CDH17: variants seen among roughly 807,000 people sequenced by gnomAD.
CDH17 encodes the protein cadherin-17.
CDH17 carries 67 observed loss-of-function variants against 86.3 expected under a neutral mutation model. That is an observed-to-expected ratio of 0.78 (90% CI 0.64 to 0.95). The LOEUF (loss-of-function observed/expected upper bound fraction) is 0.95, where lower values mean the gene tolerates loss of function less well. Among genes scored for constraint, CDH17 ranks in the 40% least tolerant of loss-of-function variants. The pLI is 0.00. For missense variants in CDH17, 993 were observed against 1,017.6 expected (o/e 0.98, Z 0.33); for synonymous variants, 367 against 366.4 (o/e 1.00, Z -0.02).
intron 15 of CDH17, among the ~76,000 whole-genome samples, chr8:94,131,746 G>C (rs957319182): frequency 6.6e-6 from 1 of 151,930 alleles, no homozygotes; most frequent in Admixed American, 6.6e-5. Context: ...TGATACGTAG[G>C]TATACATGTG....
intron 15 of CDH17, among the ~76,000 whole-genome samples, chr8:94,137,557 T>C (rs1464928692): frequency 6.6e-6 from 1 of 152,158 alleles, no homozygotes. Context: ...TGGCTTCCCT[T>C]GACTAGGAAA....
intron 7 of CDH17, 69 bp downstream of exon 7, chr8:94,173,728 G>T: frequency 1.8e-6 from 2 of 1,117,298 alleles, no homozygotes; most frequent in Non-Finnish European, 2.7e-6. Flanking sequence ...AAGACTGTGA[G>T]GGTGGGTCTC....
intron 1 of CDH17, among the ~76,000 whole-genome samples, chr8:94,205,942 GATGTTAAGGGAACAA>G (rs1814017985): frequency 6.6e-6 from 1 of 152,152 alleles, no homozygotes; most frequent in African/African-American, 2.4e-5. Flanking sequence ...CTTTAGCTTA[GATGTTAAGGGAACAA>G]ATCTACCATT....
At chr8:94,210,226 T>TAAAAAAAAAAAAAAAA, upstream of CDH17, among the ~76,000 whole-genome samples, 1 of 53,458 alleles carries the variant, frequency 1.9e-5, no homozygotes, top group African/African-American at 7.0e-5. Context: ...TTTATGCGAG[T>TAAAAAAAAAAAAAAAA]AAAAAAAAAA....
intron 3 of CDH17, among the ~76,000 whole-genome samples, chr8:94,184,337 GAC>G (rs1319419178): frequency 6.6e-6 from 1 of 152,072 alleles, no homozygotes; most frequent in Non-Finnish European, 1.5e-5. Flanking sequence ...TCCATCAATT[GAC>G]ACATGGATAT....
intron 1 of CDH17, chr8:94,197,294 G>A (rs1813803119): frequency 6.6e-6 from 1 of 152,204 alleles, no homozygotes; most frequent in Non-Finnish European, 1.5e-5. Context: ...AGCCATGATT[G>A]CGCCACTGCA....
At chr8:94,151,031 C>A (rs1166209357) in intron 13 of CDH17, among the ~76,000 whole-genome samples, 1 of 152,204 alleles carries the variant, frequency 6.6e-6, no homozygotes, top group Non-Finnish European at 1.5e-5. Flanking sequence ...GGAGGCAAGA[C>A]TCCCTCCAGA....
At chr8:94,193,228 A>G (rs1201560831) in intron 2 of CDH17, among the ~76,000 whole-genome samples, 1 of 152,244 alleles carries the variant, frequency 6.6e-6, no homozygotes, top group Non-Finnish European at 1.5e-5. Flanking sequence ...CTTCTCAGAC[A>G]AGAAGCAAAT....
chr8:94,155,251 C>T (rs1241402802), intron 12 of CDH17, among the ~76,000 whole-genome samples: 3 of 151,944 alleles, frequency 2.0e-5, no homozygotes, highest in Non-Finnish European at 4.4e-5. Context: ...AGGGCTTCTC[C>T]CCCTGAAGTA....
Position 94,178,710 on chromosome 8 carries a change from AGACT to A in CDH17, c.151-993_151-990del, listed in dbSNP as rs150104994. ...CAGAAGTAAATTTGAGAGTAAATCT[AGACT>A]GTTATGGTACCAAAAGAATTCATGT... On this transcript the variant is annotated intron_variant, in intron 3 of 17. Transcript: ENST00000027335. Among the ~76,000 whole-genome samples, 179 of 152,316 alleles carry A rather than the reference AGACT, an allele frequency of 1.2e-3. 4 individuals carry two copies. The East Asian group carries it at 0.033, about 28-fold the overall frequency.
chr8:94,156,555 A>G (rs1812952817), intron 12 of CDH17, among the ~76,000 whole-genome samples: 1 of 152,190 alleles, frequency 6.6e-6, no homozygotes. Flanking sequence ...AAGTAAATAC[A>G]GAGCAGGGAG....
In CDH17 at chr8:94,158,175, T is replaced by A. The variant is rs1006690529; in HGVS notation, c.1551+1796A>T. 1.3e-4 allele frequency among the ~76,000 whole-genome samples: 20 copies of A among 152,280 alleles called. No homozygotes were observed. The East Asian group carries it at 3.1e-3, about 24-fold the overall frequency. The stretch of plus-strand genomic sequence containing the variant: ...TTCATAATTGTATATGGGACAGAAT[T>A]CATTTATTCATTAAGTCAAGCAATA... On this transcript the variant is annotated intron_variant, in intron 12 of 17. Transcript: ENST00000027335.
At chr8:94,182,004 T>C (rs981906439) in intron 3 of CDH17, among the ~76,000 whole-genome samples, 3 of 152,102 alleles carry the variant, frequency 2.0e-5, no homozygotes, top group Non-Finnish European at 2.9e-5. Context: ...TTGTGAACAA[T>C]TGTTTTCCCA....
chr8:94,173,078 C>A (rs1813300497), intron 7 of CDH17, among the ~76,000 whole-genome samples: 1 of 152,186 alleles, frequency 6.6e-6, no homozygotes. Flanking sequence ...AAATGACCCA[C>A]TGCAGGGCTG....
At chr8:94,148,708 T>C in intron 14 of CDH17, 36 bp downstream of exon 14, 1 of 1,473,648 alleles carries the variant, frequency 6.8e-7, no homozygotes. Flanking sequence ...ATAATCTGTG[T>C]TCCTTTTTTT....
chr8:94,143,829 T>C (rs1432970102), intron 15 of CDH17, among the ~76,000 whole-genome samples: 10 of 152,200 alleles, frequency 6.6e-5, no homozygotes, highest in Non-Finnish European at 1.5e-4. Flanking sequence ...TAGATTTTGG[T>C]TTAAAGGACT....
At chr8:94,159,839 AATCCAGGAACCCATCACC>A (rs1813016086) in intron 12 of CDH17, 114 bp downstream of exon 12, 7 of 579,052 alleles carry the variant, frequency 1.2e-5, no homozygotes, top group Admixed American at 7.7e-5. Flanking sequence ...GGAATCCAGG[AATCCAGGAACCCATCACC>A]ATGCCTGAGA....
At chr8:94,183,268 A>G (rs780455867) in intron 3 of CDH17, among the ~76,000 whole-genome samples, 15 of 152,122 alleles carry the variant, frequency 9.9e-5, no homozygotes, top group Non-Finnish European at 1.6e-4. Flanking sequence ...TAAAATTCAT[A>G]TGGAACTACA....
At chr8:94,161,319 A>G (rs75322448) in intron 11 of CDH17, among the ~76,000 whole-genome samples, 3 of 152,148 alleles carry the variant, frequency 2.0e-5, no homozygotes, top group Admixed American at 6.5e-5. Context: ...CTCATAAATC[A>G]ATTCCCTTCT....
Sources: gnomAD v4.1 joint callset for allele counts (sites outside exome capture counted in the v4.1 genomes callset) on GRCh38, gnomAD v4.1.1 for gene constraint, MANE v1.5 for transcripts, NCBI Gene and HGNC (gene_info 2026-07-23, HGNC 2026-07-21) for gene names.